The following AFG2A variants were observed in gnomAD, a reference collection of about 807,000 sequenced individuals.
The protein encoded by AFG2A is AAA ATPase AFG2A.
At chr4:122,926,375 T>C in the AFG2A span, among the ~76,000 whole-genome samples, 7 of 152,228 alleles carry the variant, frequency 4.6e-5, no homozygotes, top group Non-Finnish European at 1.0e-4. Flanking sequence ...CAGCAAACAA[T>C]GTAAGAGAAC....
At chr4:123,071,286 A>T in the AFG2A span, among the ~76,000 whole-genome samples, 4 of 152,080 alleles carry the variant, frequency 2.6e-5, no homozygotes, top group African/African-American at 9.7e-5. Context: ...TTGGAGACCA[A>T]CCTGACCAAC....
the AFG2A span, among the ~76,000 whole-genome samples, chr4:122,956,838 T>C: frequency 6.6e-6 from 1 of 152,240 alleles, no homozygotes; most frequent in African/African-American, 2.4e-5. Flanking sequence ...TGTAGTATCA[T>C]TTTCTTAACT....
chr4:123,163,810 T>G, the AFG2A span, among the ~76,000 whole-genome samples: 7 of 152,286 alleles, frequency 4.6e-5, no homozygotes, highest in East Asian at 1.3e-3. Context: ...CAGAGACCCA[T>G]CTCTTGTTTT....
chr4:123,219,942 T>A, the AFG2A span, among the ~76,000 whole-genome samples: 2 of 152,096 alleles, frequency 1.3e-5, no homozygotes, highest in African/African-American at 4.8e-5. Context: ...AGATCTTGGC[T>A]CACTGCAACC....
At chr4:122,926,539 T>G in the AFG2A span, among the ~76,000 whole-genome samples, 1 of 152,230 alleles carries the variant, frequency 6.6e-6, no homozygotes, top group Admixed American at 6.5e-5. Context: ...AGAAATGTGT[T>G]GGGGAGTTGT....
chr4:123,288,842 C>T, the AFG2A span, among the ~76,000 whole-genome samples: 1 of 152,124 alleles, frequency 6.6e-6, no homozygotes, highest in Non-Finnish European at 1.5e-5. Flanking sequence ...GGTTTCAACC[C>T]CTGTCACATT....
chr4:122,967,977 A>T, the AFG2A span, among the ~76,000 whole-genome samples: 3 of 152,066 alleles, frequency 2.0e-5, no homozygotes, highest in Non-Finnish European at 2.9e-5. Context: ...TTTTATTAAA[A>T]TTTTTTTAAA....
At chr4:123,285,080 C>G in the AFG2A span, among the ~76,000 whole-genome samples, 2 of 152,102 alleles carry the variant, frequency 1.3e-5, no homozygotes, top group African/African-American at 4.8e-5. Flanking sequence ...CTTCCTCACT[C>G]ATAATTCGCT....
At chr4:123,095,847 T>C in the AFG2A span, among the ~76,000 whole-genome samples, 790 of 152,258 alleles carry the variant, frequency 5.2e-3, 2 homozygotes, top group African/African-American at 0.018. Context: ...ACAACCTCTA[T>C]GTTATGATGA....
the AFG2A span, among the ~76,000 whole-genome samples, chr4:123,270,062 G>A: frequency 1.5e-4 from 23 of 152,098 alleles, no homozygotes; most frequent in African/African-American, 5.3e-4. Context: ...TGATCTGCCC[G>A]CCTCGGCCTC....
chr4:123,144,375 T>G, the AFG2A span, among the ~76,000 whole-genome samples: 9 of 152,128 alleles, frequency 5.9e-5, no homozygotes, highest in Non-Finnish European at 8.8e-5. Context: ...TTCAGCTTAT[T>G]TACATGCTGT....
chr4:123,037,360 T>G, the AFG2A span, among the ~76,000 whole-genome samples: 1 of 152,122 alleles, frequency 6.6e-6, no homozygotes, highest in African/African-American at 2.4e-5. Context: ...TTTTGTAAAC[T>G]TGGATACTTG....
chr4:122,998,947 A>G, the AFG2A span, among the ~76,000 whole-genome samples: 1 of 151,884 alleles, frequency 6.6e-6, no homozygotes, highest in Non-Finnish European at 1.5e-5. Context: ...AAGTGTTCCT[A>G]TTTCTCCACA....
At chr4:123,233,290 C>G in the AFG2A span, among the ~76,000 whole-genome samples, 2 of 151,982 alleles carry the variant, frequency 1.3e-5, no homozygotes, top group African/African-American at 4.8e-5. Context: ...CACACACACA[C>G]ACACACACAG....
chr4:123,277,426 G>A, the AFG2A span, among the ~76,000 whole-genome samples: 1 of 152,156 alleles, frequency 6.6e-6, no homozygotes, highest in Non-Finnish European at 1.5e-5. Context: ...TCTGCAAACA[G>A]GGATAGTTTG....
At chr4:123,137,776 T>G in the AFG2A span, among the ~76,000 whole-genome samples, 1 of 152,188 alleles carries the variant, frequency 6.6e-6, no homozygotes, top group East Asian at 1.9e-4. Context: ...TTTTCTGCCT[T>G]CTTTTGAATT....
At chr4:122,934,212 G>C in the AFG2A span, 1 of 1,614,106 alleles carries the variant, frequency 6.2e-7, no homozygotes, top group Non-Finnish European at 8.5e-7. Context: ...GAGGGCCTCA[G>C]AGTGACTCTG....
chr4:123,108,113 A>G, the AFG2A span, among the ~76,000 whole-genome samples: 10 of 152,138 alleles, frequency 6.6e-5, no homozygotes, highest in Non-Finnish European at 1.5e-4. Context: ...CTCTAGCCGC[A>G]CCTACCCAGT....
the AFG2A span, among the ~76,000 whole-genome samples, chr4:123,004,255 G>A: frequency 3.2e-3 from 484 of 152,298 alleles, 6 homozygotes; most frequent in African/African-American, 0.011. Flanking sequence ...GATCCCTTGC[G>A]CTTCCCGAGT....
Sources: gnomAD v4.1 joint callset for allele counts (sites outside exome capture counted in the v4.1 genomes callset) on GRCh38, gnomAD v4.1.1 for gene constraint, MANE v1.5 for transcripts, NCBI Gene and HGNC (gene_info 2026-07-23, HGNC 2026-07-21) for gene names.